KCNQ5: variants seen among roughly 807,000 people sequenced by gnomAD.
KCNQ5 encodes potassium voltage-gated channel subfamily KQT member 5.
Under a neutral mutation model 98.2 loss-of-function variants are expected in KCNQ5, and 30 were observed. The observed-to-expected ratio is 0.31, with a 90% CI of 0.23 to 0.41. KCNQ5 has a LOEUF of 0.41. Ranked by LOEUF, KCNQ5 falls within the 10% of genes least tolerant of loss-of-function variation. The pLI, the probability that KCNQ5 is intolerant of heterozygous loss-of-function variation, is 1.00. For missense variants in KCNQ5, 835 were observed against 1,182.5 expected, an observed-to-expected ratio of 0.71 and a Z score of 4.31; for synonymous variants, 458 against 449.4, an observed-to-expected ratio of 1.02 and a Z score of -0.24.
At chr6:73,168,218 A>G (rs1777876744) in intron 10 of KCNQ5, among the ~76,000 whole-genome samples, 1 of 152,228 alleles carries the variant, frequency 6.6e-6, no homozygotes, top group African/African-American at 2.4e-5. Flanking sequence ...TGCATTACAA[A>G]TATAAGCACT....
chr6:72,726,455 C>T (rs1009182053), intron 1 of KCNQ5, among the ~76,000 whole-genome samples: 5 of 151,984 alleles, frequency 3.3e-5, no homozygotes, highest in Admixed American at 2.6e-4. Context: ...CCTCGTGATC[C>T]GCCCGCCTCG....
intron 2 of KCNQ5, among the ~76,000 whole-genome samples, chr6:73,035,515 G>A (rs983857236): frequency 6.6e-6 from 1 of 152,184 alleles, no homozygotes; most frequent in African/African-American, 2.4e-5. Context: ...TTATCCTGAG[G>A]TACAGCAGCA....
rs1246792245 is a variant in KCNQ5, at chr6:72,920,161, G to A, written c.399-83747G>A. On this transcript the variant is annotated intron_variant, in intron 1 of 13. Transcript: ENST00000370398. ...TACTAAAAATACAAAAACTAGCCAA[G>A]CAGGTGCCTCTGATTCTAGCTACTC... is the stretch of plus-strand genomic sequence containing the variant. Among the ~76,000 whole-genome samples, 7 of 152,210 alleles carry A rather than the reference G, an allele frequency of 4.6e-5. No individual in the cohort carries two copies. In the East Asian group the frequency reaches 1.2e-3, roughly 25 times the overall value.
intron 13 of KCNQ5, among the ~76,000 whole-genome samples, chr6:73,194,168 A>T (rs989559767): frequency 2.0e-5 from 3 of 152,150 alleles, no homozygotes; most frequent in Non-Finnish European, 4.4e-5. Flanking sequence ...GCATTTTTAT[A>T]GTGCTTATAT....
intron 1 of KCNQ5, among the ~76,000 whole-genome samples, chr6:72,792,795 C>T (rs999905994): frequency 6.6e-6 from 1 of 152,164 alleles, no homozygotes; most frequent in Non-Finnish European, 1.5e-5. Flanking sequence ...CAGAATCTAT[C>T]CATACATATT....
chr6:72,670,545 G>A (rs1196562619), intron 1 of KCNQ5, among the ~76,000 whole-genome samples: 1 of 152,066 alleles, frequency 6.6e-6, no homozygotes, highest in Non-Finnish European at 1.5e-5. Context: ...AATCAGTTCA[G>A]GCTGCCATAA....
Position 73,197,580 on chromosome 6 carries a change from T to TACACACACACACACACACACACACACAC in KCNQ5, c.*2201_*2228dup, listed in dbSNP as rs545254868. ...GATTCCCCCTTGCAAGAATGTTGCA[T>TACACACACACACACACACACACACACAC]ACACACACACACACACACACACACA... On this transcript the variant is annotated 3_prime_UTR_variant, in exon 14 of 14. Coordinates refer to ENST00000370398, the MANE Select transcript of KCNQ5 (RefSeq NM_019842.4). The TACACACACACACACACACACACACACAC allele has an allele frequency of 9.5e-6, 1 of 105,428 alleles. No individual in the cohort carries two copies. The highest frequency in any genetic ancestry group is 2.0e-5 in the Non-Finnish European group (1 of 50,632). The allele number at this position is 105,428 out of a possible 1,614,324, so 6.5% of individuals were successfully genotyped here.
At chr6:72,836,456 T>A (rs1209920836) in intron 1 of KCNQ5, among the ~76,000 whole-genome samples, 13 of 152,164 alleles carry the variant, frequency 8.5e-5, no homozygotes, top group African/African-American at 3.1e-4. Flanking sequence ...ATATATATAT[T>A]TGAGACAGGG....
chr6:72,641,799 C>T (rs2098927335), intron 1 of KCNQ5, among the ~76,000 whole-genome samples: 1 of 151,966 alleles, frequency 6.6e-6, no homozygotes, highest in African/African-American at 2.4e-5. Context: ...CTGCCTGGGT[C>T]ATGTACGTGC....
intron 3 of KCNQ5, among the ~76,000 whole-genome samples, chr6:73,059,733 G>A (rs2150374196): frequency 6.6e-6 from 1 of 151,994 alleles, no homozygotes; most frequent in East Asian, 1.9e-4. Flanking sequence ...TTAACGAAAT[G>A]TATATTTTAC....
intron 3 of KCNQ5, among the ~76,000 whole-genome samples, chr6:73,044,511 C>T (rs1275399158): frequency 6.6e-6 from 1 of 152,068 alleles, no homozygotes; most frequent in African/African-American, 2.4e-5. Context: ...GACCCATGGT[C>T]CAGCTGAATG....
intron 1 of KCNQ5, among the ~76,000 whole-genome samples, chr6:72,852,644 T>TATATATATATATATAC (rs1777318923): frequency 8.7e-6 from 1 of 114,440 alleles, no homozygotes; most frequent in African/African-American, 3.4e-5. Flanking sequence ...AGGGGAAATA[T>TATATATATATATATAC]ATATATATAT....
At chr6:72,627,218 G>C (rs773807216) in intron 1 of KCNQ5, among the ~76,000 whole-genome samples, 8 of 152,130 alleles carry the variant, frequency 5.3e-5, no homozygotes, top group Non-Finnish European at 7.4e-5. Context: ...ATTTAGCTTT[G>C]AAAGCCTCTG....
chr6:72,971,911 A>G (rs897965057), intron 1 of KCNQ5, among the ~76,000 whole-genome samples: 1 of 152,210 alleles, frequency 6.6e-6, no homozygotes, highest in African/African-American at 2.4e-5. Context: ...TGAGTGTAGC[A>G]CACCAACATG....
intron 1 of KCNQ5, among the ~76,000 whole-genome samples, chr6:72,865,983 A>G (rs990273132): frequency 1.3e-5 from 2 of 152,194 alleles, no homozygotes; most frequent in African/African-American, 4.8e-5. Flanking sequence ...TTGAACATAT[A>G]CTATATCTTG....
At chr6:73,125,032 TGTATAG>T (rs1775918253) in intron 9 of KCNQ5, among the ~76,000 whole-genome samples, 1 of 122,846 alleles carries the variant, frequency 8.1e-6, no homozygotes. Context: ...ATACATTATA[TGTATAG>T]GTATATATAC....
At chr6:72,859,742 G>A (rs2840798) in intron 1 of KCNQ5, among the ~76,000 whole-genome samples, 2 of 152,008 alleles carry the variant, frequency 1.3e-5, no homozygotes, top group African/African-American at 4.8e-5. Context: ...CCACCACTCC[G>A]GGATAATTTT....
rs149734942 is a variant in KCNQ5 at position 72,635,804 on chromosome 6, G to T, written c.398+13217G>T. Among the ~76,000 whole-genome samples, 318 of 148,188 alleles carry T rather than the reference G, an allele frequency of 2.1e-3. 10 individuals are homozygous for T. In the East Asian group the frequency reaches 0.053, roughly 25 times the overall value. ...GCTGTCTGTTCTTAAGAGATGCATTGAATTTCTAATTACATGCTCTAAGAG... is the reference window on the plus strand; with the variant it reads ...GCTGTCTGTTCTTAAGAGATGCATTTAATTTCTAATTACATGCTCTAAGAG... On this transcript the variant is annotated intron_variant, in intron 1 of 13. Transcript: ENST00000370398.
intron 1 of KCNQ5, among the ~76,000 whole-genome samples, chr6:72,803,041 G>A (rs2150095560): frequency 6.6e-6 from 1 of 152,212 alleles, no homozygotes; most frequent in Non-Finnish European, 1.5e-5. Flanking sequence ...CTAAGAGATT[G>A]CACCAGGACA....
Sources: allele counts gnomAD v4.1 joint callset (sites outside exome capture counted in the v4.1 genomes callset), GRCh38; gene constraint gnomAD v4.1.1; transcripts MANE v1.5; gene names NCBI Gene and HGNC (gene_info 2026-07-23, HGNC 2026-07-21).